TMX1: variants seen among roughly 807,000 people sequenced by gnomAD.
TMX1 encodes the protein thioredoxin-related transmembrane protein 1.
A neutral mutation model predicts 36.6 loss-of-function variants in TMX1; 25 were observed. That is an observed-to-expected ratio of 0.68 (90% CI 0.50 to 0.95). The LOEUF is 0.95. Among genes scored for constraint, TMX1 ranks in the 40% least tolerant of loss-of-function variants. The pLI is 0.00. For missense variants in TMX1, 347 were observed against 339.6 expected (o/e 1.02, Z -0.17); for synonymous variants, 133 against 118.0 (o/e 1.13, Z -0.82).
At chr14:51,244,017 G>A in intron 2 of TMX1, 46 bp downstream of exon 2, 4 of 1,463,550 alleles carry the variant, frequency 2.7e-6, no homozygotes, top group Non-Finnish European at 3.7e-6. Flanking sequence ...TGTTTGGGTT[G>A]ATATATTTAT....
chr14:51,245,385 G>A, intron 3 of TMX1, 27 bp downstream of exon 3: 1 of 1,612,508 alleles, frequency 6.2e-7, no homozygotes, highest in Non-Finnish European at 8.5e-7. Flanking sequence ...TCTAAATTAT[G>A]GAGAAGGATG....
intron 3 of TMX1, 128 bp from the exon 4 acceptor site, chr14:51,246,964 A>G: frequency 1.3e-6 from 1 of 750,136 alleles, no homozygotes. Context: ...ATAATTTGCT[A>G]TTAATACTTG....
intron 7 of TMX1, among the ~76,000 whole-genome samples, chr14:51,253,696 A>G (rs2065825264): frequency 6.6e-6 from 1 of 152,218 alleles, no homozygotes; most frequent in African/African-American, 2.4e-5. Context: ...TGAGATGTAC[A>G]CTTAAGATTT....
In TMX1 at chr14:51,243,855, G is replaced by C. The variant is rs1315721600; in HGVS notation, c.153-1G>C. ...TTTAAAAAAAAATCTGTATTTCTTAGTTATGCCCCGTGGTGCCCTGCTTGT... is the reference window on the plus strand; with the variant it reads ...TTTAAAAAAAAATCTGTATTTCTTACTTATGCCCCGTGGTGCCCTGCTTGT... On this transcript the variant is annotated splice_acceptor_variant, in intron 1 of 7. Coordinates refer to ENST00000457354, the MANE Select transcript of TMX1 (RefSeq NM_030755.5). LOFTEE classifies it high-confidence loss of function. 1 of 1,601,162 alleles carries C rather than the reference G, an allele frequency of 6.2e-7. No individual in the cohort carries two copies. Among genetic ancestry groups the C allele is most frequent in the Non-Finnish European group, 8.5e-7 (1 of 1,174,500 alleles).
At position 51,257,027 on chromosome 14, in the gene TMX1, C is replaced by G. The variant is rs2065841847; in HGVS notation, c.*2508C>G. The G allele has an allele frequency of 6.6e-6, 1 of 150,608 alleles. No homozygotes were observed. Among genetic ancestry groups the G allele is most frequent in the South Asian group, 2.1e-4 (1 of 4,788 alleles). The allele number at this position is 150,608 out of a possible 1,614,324, so 9.3% of individuals were successfully genotyped here. ...GGAGTGCAATGGCATGATCTTGGCT[C>G]ACTGCAACCTCCACCTCCTGGGTTC... is the stretch of plus-strand genomic sequence containing the variant. On this transcript the variant is annotated 3_prime_UTR_variant, in exon 8 of 8. Coordinates refer to ENST00000457354, the MANE Select transcript of TMX1 (RefSeq NM_030755.5).
Position 51,247,071 on chromosome 14 carries a change from T to C in TMX1, c.315-21T>C, listed in dbSNP as rs749691369. 1.2e-5 allele frequency: 19 copies of C among 1,595,290 alleles called. No homozygotes were observed. The Admixed American group carries it at 2.8e-4, about 24-fold the overall frequency. Reference sequence around the variant, plus strand: ...AATTATTTCTCAGTGCTGGATAATATTTAATTCTGATTCTCTTTAGTTGTA... The same window carrying C: ...AATTATTTCTCAGTGCTGGATAATACTTAATTCTGATTCTCTTTAGTTGTA... On this transcript the variant is annotated intron_variant, in intron 3 of 7. Coordinates refer to ENST00000457354, the MANE Select transcript of TMX1 (RefSeq NM_030755.5).
chr14:51,246,790 C>T (rs28705789), intron 3 of TMX1, among the ~76,000 whole-genome samples: 73,741 of 152,022 alleles, frequency 0.49, 18,443 homozygotes, highest in Non-Finnish European at 0.55. Flanking sequence ...ATGTGTATTA[C>T]ACATAAGGCT....
chr14:51,253,221 T>G (rs2065822957), intron 7 of TMX1, among the ~76,000 whole-genome samples: 1 of 152,210 alleles, frequency 6.6e-6, no homozygotes, highest in South Asian at 2.1e-4. Flanking sequence ...GTTGAATATT[T>G]AATAGCATTC....
intron 7 of TMX1, 194 bp from the exon 8 acceptor site, chr14:51,254,147 G>T (rs923975754): frequency 4.8e-6 from 2 of 420,218 alleles, no homozygotes; most frequent in East Asian, 8.5e-5. Flanking sequence ...AACTAAAATG[G>T]CTCAAACAAT....
intron 4 of TMX1, among the ~76,000 whole-genome samples, chr14:51,248,901 A>G (rs2065798580): frequency 6.6e-6 from 1 of 152,192 alleles, no homozygotes; most frequent in South Asian, 2.1e-4. Flanking sequence ...TCTTAAATGG[A>G]AAGAATTGGC....
chr14:51,246,605 G>A (rs2065786918), intron 3 of TMX1, among the ~76,000 whole-genome samples: 1 of 152,150 alleles, frequency 6.6e-6, no homozygotes. Context: ...TGAAATGAGA[G>A]GAAGGGAAGC....
chr14:51,243,508 A>C (rs76743833), intron 1 of TMX1, among the ~76,000 whole-genome samples: 1 of 152,220 alleles, frequency 6.6e-6, no homozygotes, highest in African/African-American at 2.4e-5. Flanking sequence ...TGCATTATAA[A>C]TTATTAAAAT....
intron 1 of TMX1, among the ~76,000 whole-genome samples, chr14:51,243,425 A>T (rs1216805979): frequency 6.6e-6 from 1 of 152,204 alleles, no homozygotes; most frequent in Non-Finnish European, 1.5e-5. Flanking sequence ...CCACTTTAAG[A>T]TGGAATATGT....
intron 3 of TMX1, 38 bp from the exon 4 acceptor site, chr14:51,247,054 C>T: frequency 6.5e-7 from 1 of 1,536,230 alleles, no homozygotes; most frequent in Non-Finnish European, 8.8e-7. Flanking sequence ...TAAATTATTT[C>T]TCAGTGCTGG....
rs1179661768 is a variant in TMX1 at position 51,253,882 on chromosome 14, A to G, written c.665-459A>G. 2.0e-5 allele frequency: 3 copies of G among 152,630 alleles called. No individual in the cohort carries two copies. The East Asian group carries it at 5.8e-4, about 29-fold the overall frequency. 9.5% of individuals were successfully genotyped at this position (152,630 alleles called of 1,614,324 possible). ...ACAAGGATACTGTTTAAGTTTTAGT[A>G]TACTTGTTGACCAGAAGTTTAATAG... On this transcript the variant is annotated intron_variant, in intron 7 of 7. Coordinates refer to ENST00000457354, the MANE Select transcript of TMX1 (RefSeq NM_030755.5).
chr14:51,246,017 G>A (rs1424732958), intron 3 of TMX1, among the ~76,000 whole-genome samples: 1 of 152,140 alleles, frequency 6.6e-6, no homozygotes, highest in Non-Finnish European at 1.5e-5. Context: ...TAAATACCAG[G>A]AGGTACTGAA....
At chr14:51,251,761 C>T (rs1335084087) in intron 7 of TMX1, among the ~76,000 whole-genome samples, 1 of 152,216 alleles carries the variant, frequency 6.6e-6, no homozygotes, top group East Asian at 1.9e-4. Flanking sequence ...AAACAGATTG[C>T]TGATTCCCCA....
At position 51,256,638 on chromosome 14, in the gene TMX1, T is replaced by C. The variant is rs2065839956; in HGVS notation, c.*2119T>C. The stretch of plus-strand genomic sequence containing the variant: ...TAGAGGAAAATACAGTATTCTACCT[T>C]ACGTTGTGTAAATACTTAATGATTA... On this transcript the variant is annotated 3_prime_UTR_variant, in exon 8 of 8. Transcript: ENST00000457354. 6.6e-6 allele frequency: 1 copy of C among 151,416 alleles called. No individual in the cohort carries two copies. Among genetic ancestry groups the C allele is most frequent in the African/African-American group, 2.4e-5 (1 of 41,188 alleles). 9.4% of individuals were successfully genotyped at this position (151,416 alleles called of 1,614,324 possible).
At chr14:51,247,632 C>T (rs985564605) in intron 4 of TMX1, among the ~76,000 whole-genome samples, 11 of 152,310 alleles carry the variant, frequency 7.2e-5, no homozygotes, top group Admixed American at 3.9e-4. Context: ...GCTGGGATTA[C>T]AGGTGTGAGC....
Sources: gnomAD v4.1 joint callset for allele counts (sites outside exome capture counted in the v4.1 genomes callset) on GRCh38, gnomAD v4.1.1 for gene constraint, MANE v1.5 for transcripts, NCBI Gene and HGNC (gene_info 2026-07-23, HGNC 2026-07-21) for gene names.